ETFBKMT: variants seen among roughly 807,000 people sequenced by gnomAD.
ETFBKMT encodes electron transfer flavoprotein beta subunit lysine methyltransferase.
ETFBKMT carries 13 observed loss-of-function variants against 18.3 expected under a neutral mutation model. The ratio of observed to expected loss-of-function variants is 0.71; its 90% CI spans 0.46 to 1.13. The LOEUF (loss-of-function observed/expected upper bound fraction) is 1.13. ETFBKMT is among the 50% of genes most tolerant of loss of function. The pLI is 0.00. For missense variants in ETFBKMT, 293 were observed against 306.2 expected (o/e 0.96, Z 0.32); for synonymous variants, 84 against 107.9 (o/e 0.78, Z 1.37).
At position 31,667,800 on chromosome 12, in the gene ETFBKMT, A is replaced by C; in HGVS notation, c.599A>C (p.His200Pro). 4.3e-6 allele frequency: 7 copies of C among 1,614,226 alleles called. No homozygotes were observed. The highest frequency in any genetic ancestry group is 5.9e-6 in the Non-Finnish European group (7 of 1,180,040). Residue 200 changes from histidine to proline, a missense_variant, in exon 4 of 4, where the codon CAT (histidine) becomes CCT (proline). By Grantham distance (77) the His-to-Pro change is moderately conservative (BLOSUM62 -2). Transcript: ENST00000357721. ...GATGAAGACCTTGCAGATAGTCTTC[A>C]TCAGTGGCTGAAGAAGTGCTTCTGG... ...FYDEDLADSL[H>P]QWLKKCFWTY...
chr12:31,672,407 A>C lies in ETFBKMT; in HGVS notation c.*4417A>C. ...AAAAGAAAACAATGACAATATATTA[A>C]TTGACAATAAAAAATGTTTAATGTT... On this transcript the variant is annotated 3_prime_UTR_variant, in exon 4 of 4. Transcript: ENST00000357721. 1 of 1,452,344 alleles carries C rather than the reference A, an allele frequency of 6.9e-7. No individual in the cohort carries two copies. 90.0% of individuals were successfully genotyped at this position (1,452,344 alleles called of 1,614,324 possible).
intron 3 of ETFBKMT, among the ~76,000 whole-genome samples, 186 bp downstream of exon 3, chr12:31,666,403 C>T (rs1193949739): frequency 6.6e-6 from 1 of 152,060 alleles, no homozygotes; most frequent in Non-Finnish European, 1.5e-5. Flanking sequence ...TGCATTTTTC[C>T]CAAGAGGATT....
intron 3 of ETFBKMT, among the ~76,000 whole-genome samples, chr12:31,666,574 A>G (rs1186314198): frequency 2.6e-5 from 4 of 152,194 alleles, no homozygotes; most frequent in Non-Finnish European, 4.4e-5. Flanking sequence ...GAGACAGGTA[A>G]GTTTTTATTT....
intron 2 of ETFBKMT, among the ~76,000 whole-genome samples, chr12:31,663,195 C>T (rs1285871024): frequency 6.6e-6 from 1 of 152,004 alleles, no homozygotes; most frequent in Admixed American, 6.6e-5. Flanking sequence ...CGGGTTCACG[C>T]CATTCTCCTG....
In ETFBKMT at chr12:31,667,660, T is replaced by C. The variant is rs1262484709; in HGVS notation, c.459T>C (p.Ala153=). 1 of 1,605,100 alleles carries C rather than the reference T, an allele frequency of 6.2e-7. No individual in the cohort carries two copies. Among genetic ancestry groups the C allele is most frequent in the African/African-American group, 1.3e-5 (1 of 74,592 alleles). ...ANDIDPIAGM[A]ITLNCELNRL... ...TTTTTTTTTAAGTTGCAGGAATGGCTATTACACTAAATTGTGAATTGAACA... is the reference window on the plus strand; with the variant it reads ...TTTTTTTTTAAGTTGCAGGAATGGCCATTACACTAAATTGTGAATTGAACA... The change falls in exon 4 of 4, where the codon GCT becomes GCC. Residue 153 remains alanine, a synonymous_variant. Coordinates refer to ENST00000357721, the MANE Select transcript of ETFBKMT (RefSeq NM_001135863.2).
At chr12:31,659,049 T>A (rs1166078592), upstream of ETFBKMT, 2 of 151,546 alleles carry the variant, frequency 1.3e-5, no homozygotes, top group African/African-American at 4.8e-5. Context: ...TTTTTAGGAA[T>A]CAAAATTCTA....
upstream of ETFBKMT, among the ~76,000 whole-genome samples, chr12:31,656,223 G>T (rs936376532): frequency 6.6e-6 from 1 of 152,126 alleles, no homozygotes; most frequent in African/African-American, 2.4e-5. Context: ...AGGCTGGCAT[G>T]TTGGGGAAGG....
In ETFBKMT at chr12:31,672,412, CA is replaced by C; in HGVS notation, c.*4424del. The C allele has an allele frequency of 2.8e-6, 4 of 1,434,348 alleles. No homozygotes were observed. The highest frequency in any genetic ancestry group is 2.9e-6 in the Non-Finnish European group (3 of 1,040,656). 88.9% of individuals were successfully genotyped at this position (1,434,348 alleles called of 1,614,324 possible). On this transcript the variant is annotated 3_prime_UTR_variant, in exon 4 of 4. Coordinates refer to ENST00000357721, the MANE Select transcript of ETFBKMT (RefSeq NM_001135863.2). Reference sequence around the variant, plus strand: ...AAAACAATGACAATATATTAATTGACAATAAAAAATGTTTAATGTTTCCTCA... The same window carrying C: ...AAAACAATGACAATATATTAATTGACATAAAAAATGTTTAATGTTTCCTCA...
At chr12:31,657,883 C>T (rs1015760003), upstream of ETFBKMT, among the ~76,000 whole-genome samples, 8 of 151,606 alleles carry the variant, frequency 5.3e-5, no homozygotes, top group Non-Finnish European at 1.0e-4. Flanking sequence ...ATTATAATGC[C>T]AAACTAAGGC....
intron 3 of ETFBKMT, among the ~76,000 whole-genome samples, chr12:31,667,442 G>A (rs187222415): frequency 1.5e-4 from 23 of 152,280 alleles, no homozygotes; most frequent in Admixed American, 1.2e-3. Flanking sequence ...TGAATTGTTT[G>A]TTTTCAGGAT....
intron 2 of ETFBKMT, among the ~76,000 whole-genome samples, chr12:31,664,071 T>A (rs765950534): frequency 6.6e-5 from 10 of 151,404 alleles, no homozygotes; most frequent in Non-Finnish European, 1.5e-4. Flanking sequence ...CTTTTGGTAT[T>A]GCTTCAGCTA....
chr12:31,656,763 T>G (rs1951065613), upstream of ETFBKMT, among the ~76,000 whole-genome samples: 1 of 152,244 alleles, frequency 6.6e-6, no homozygotes, highest in Non-Finnish European at 1.5e-5. Context: ...TATCCTCCAA[T>G]GGCGGTTTCC....
chr12:31,653,037 C>T (rs111989534), intron 1 of ETFBKMT, among the ~76,000 whole-genome samples: 2,828 of 152,262 alleles, frequency 0.019, 34 homozygotes, highest in South Asian at 0.031. Context: ...GGTGAAATCT[C>T]GTCTGTACTA....
intron 1 of ETFBKMT, chr12:31,660,796 A>G (rs776427559): frequency 6.6e-6 from 1 of 152,248 alleles, no homozygotes; most frequent in African/African-American, 2.4e-5. Flanking sequence ...CTGCCCACAG[A>G]CAATTATAAA....
rs1354946766 is a variant in ETFBKMT at position 31,669,639 on chromosome 12, G to A, written c.*1649G>A. ...CCTGGAGGTAAAACTATGAAAGTGT[G>A]GTGTCTCCCCTAGGAGTGGGCCCCC... On this transcript the variant is annotated 3_prime_UTR_variant, in exon 4 of 4. Transcript: ENST00000357721. The A allele has an allele frequency of 6.6e-6, 1 of 152,146 alleles. No individual in the cohort carries two copies. 9.4% of individuals were successfully genotyped at this position (152,146 alleles called of 1,614,324 possible). A position where few individuals can be genotyped will look rare whatever the true frequency, so the allele number is the denominator to read the frequency against.
chr12:31,656,399 G>A (rs1218885065), upstream of ETFBKMT, among the ~76,000 whole-genome samples: 2 of 152,064 alleles, frequency 1.3e-5, no homozygotes, highest in African/African-American at 2.4e-5. Flanking sequence ...GGGGAGAAGA[G>A]GAGTGTTTTG....
intron 3 of ETFBKMT, among the ~76,000 whole-genome samples, chr12:31,666,865 T>G (rs4931537): frequency 0.69 from 103,651 of 151,296 alleles, 36,166 homozygotes; most frequent in East Asian, 0.86. Flanking sequence ...CACCGTGTTA[T>G]TCAGGATGGT....
At chr12:31,650,282 T>G (rs1258256899) in intron 1 of ETFBKMT, among the ~76,000 whole-genome samples, 1 of 152,060 alleles carries the variant, frequency 6.6e-6, no homozygotes, top group African/African-American at 2.4e-5. Context: ...TCGTCCTCAC[T>G]GCTACACTCC....
At position 31,662,883 on chromosome 12, in the gene ETFBKMT, C is replaced by T. The variant is rs74085129; in HGVS notation, c.314+616C>T. On this transcript the variant is annotated intron_variant, in intron 2 of 3. Coordinates refer to ENST00000357721, the MANE Select transcript of ETFBKMT (RefSeq NM_001135863.2). The stretch of plus-strand genomic sequence containing the variant: ...CGCTCTCCTTTAATTCAGTGAATGT[C>T]GCTCCATAAACCTCACATTCCTTCC... 8.3e-3 allele frequency among the ~76,000 whole-genome samples: 1,267 copies of T among 152,180 alleles called. 18 individuals carry two copies. The highest frequency in any genetic ancestry group is 0.029 in the African/African-American group (1,196 of 41,516).
Sources: allele counts gnomAD v4.1 joint callset (sites outside exome capture counted in the v4.1 genomes callset), GRCh38; gene constraint gnomAD v4.1.1; transcripts MANE v1.5; gene names NCBI Gene and HGNC (gene_info 2026-07-23, HGNC 2026-07-21).